NCOR2: variants seen among roughly 807,000 people sequenced by gnomAD.
NCOR2 encodes CTG repeat protein 26.
NCOR2 carries 81 observed loss-of-function variants against 262.9 expected under a neutral mutation model. The ratio of observed to expected loss-of-function variants is 0.31; its 90% CI spans 0.26 to 0.37. NCOR2 has a LOEUF of 0.37. Among genes scored for constraint, NCOR2 ranks in the 10% least tolerant of loss-of-function variants. The probability of loss-of-function intolerance (pLI) is 1.00; values close to 1 mark genes in which losing one functional copy is unlikely to be tolerated. For synonymous variants in NCOR2, 1,659 were observed against 1,559.3 expected (o/e 1.06, Z -1.51); for missense variants, 3,385 against 3,621.4 (o/e 0.93, Z 1.68).
intron 5 of NCOR2, 126 bp downstream of exon 7, chr12:124,466,047 G>C (rs552902931): frequency 1.1e-6 from 1 of 916,164 alleles, no homozygotes; most frequent in Non-Finnish European, 1.6e-6. Flanking sequence ...CTGCGTCTCT[G>C]GGGGAGAGGG....
intron 17 of NCOR2, among the ~76,000 whole-genome samples, chr12:124,379,452 G>T (rs117136387): frequency 2.0e-5 from 3 of 152,228 alleles, no homozygotes; most frequent in Non-Finnish European, 4.4e-5. Flanking sequence ...GCCAGCCTTC[G>T]TGGGCTTGAA....
intron 6 of NCOR2, among the ~76,000 whole-genome samples, chr12:124,451,568 T>C (rs1413786018): frequency 7.4e-6 from 1 of 135,058 alleles, no homozygotes; most frequent in Non-Finnish European, 1.7e-5. Flanking sequence ...TGTGTGTATG[T>C]CTTTCTGTCT....
Position 124,354,588 on chromosome 12 carries a change from G to C in NCOR2, c.3485-6C>G. 6.4e-7 allele frequency: 1 copy of C among 1,559,918 alleles called. No homozygotes were observed. Among genetic ancestry groups the C allele is most frequent in the Non-Finnish European group, 8.7e-7 (1 of 1,155,544 alleles). On this transcript the variant is annotated splice_region_variant and splice_polypyrimidine_tract_variant and intron_variant, in intron 25 of 46. Coordinates refer to ENST00000405201, the Ensembl canonical transcript of NCOR2. Reference sequence around the variant, plus strand: ...CTTCACTCCGCTGAAGGGTGCTGAGGACCAGTAAGAGGAGCGAGTCACGTG... The same window carrying C: ...CTTCACTCCGCTGAAGGGTGCTGAGCACCAGTAAGAGGAGCGAGTCACGTG...
intron 4 of NCOR2, among the ~76,000 whole-genome samples, chr12:124,472,288 T>G (rs2046869023): frequency 6.6e-6 from 1 of 152,246 alleles, no homozygotes; most frequent in African/African-American, 2.4e-5. Context: ...TTATATCAGC[T>G]TTTTCTCCGC....
chr12:124,385,674 CA>C, intron 17 of NCOR2, 70 bp downstream of exon 19: 4 of 1,578,186 alleles, frequency 2.5e-6, no homozygotes, highest in Non-Finnish European at 3.4e-6. Flanking sequence ...GGTGCAGAGA[CA>C]TCTCCTGAGG....
intron 1 of NCOR2, among the ~76,000 whole-genome samples, chr12:124,491,490 G>GGTGCTATGAACCA (rs1458525310): frequency 6.6e-6 from 1 of 152,180 alleles, no homozygotes; most frequent in Admixed American, 6.5e-5. Flanking sequence ...CTCCAGAACC[G>GGTGCTATGAACCA]GTGCTATGAA....
intron 14 of NCOR2, among the ~76,000 whole-genome samples, chr12:124,401,867 C>T (rs2136201157): frequency 6.6e-6 from 1 of 152,368 alleles, no homozygotes; most frequent in Admixed American, 6.5e-5. Flanking sequence ...GCCCCCCTTT[C>T]TCCAGCTGGC....
At chr12:124,524,948 C>CCA (rs1566025100) in intron 1 of NCOR2, among the ~76,000 whole-genome samples, 9 of 152,236 alleles carry the variant, frequency 5.9e-5, no homozygotes, top group Non-Finnish European at 8.8e-5. Flanking sequence ...GTACATGAGT[C>CCA]CGGAACATGC....
At chr12:124,325,377 GCCC>G in exon 47 of NCOR2, 9 of 246,756 alleles carry the variant, frequency 3.6e-5, no homozygotes, top group Non-Finnish European at 5.9e-5. Context: ...ACCTGACACC[GCCC>G]CCCCCCCCGC....
At chr12:124,366,076 T>C (rs2039012861) in intron 20 of NCOR2, among the ~76,000 whole-genome samples, 1 of 152,136 alleles carries the variant, frequency 6.6e-6, no homozygotes, top group African/African-American at 2.4e-5. Context: ...AACCCAGCAC[T>C]GCCACTCCTA....
Position 124,344,139 on chromosome 12 carries a change from T to C in NCOR2, c.4714+458A>G, listed in dbSNP as rs529242327. On this transcript the variant is annotated intron_variant, in intron 32 of 46. Coordinates refer to ENST00000405201, the Ensembl canonical transcript of NCOR2. ...AATACTGAATTGACCGAGCTAAGCA[T>C]GGCCAGGGAACAAAGAGAAAGAGGG... Among the ~76,000 whole-genome samples, 77 of 152,154 alleles carry C rather than the reference T, an allele frequency of 5.1e-4. 1 individual carries two copies. Among genetic ancestry groups the C allele is most frequent in the African/African-American group, 1.8e-3 (73 of 41,502 alleles).
intron 20 of NCOR2, 48 bp downstream of exon 22, chr12:124,371,974 G>C (rs2039558230): frequency 6.6e-7 from 1 of 1,517,450 alleles, no homozygotes; most frequent in Admixed American, 1.9e-5. Flanking sequence ...TCGCTGCTCA[G>C]TGTCTGCAGA....
At chr12:124,516,716 C>G (rs182692321) in intron 1 of NCOR2, among the ~76,000 whole-genome samples, 1 of 151,580 alleles carries the variant, frequency 6.6e-6, no homozygotes, top group Admixed American at 6.6e-5. Flanking sequence ...CTTGAGGGGT[C>G]GAGCCAGGAC....
chr12:124,324,504 C>G (rs904674564), exon 47 of NCOR2: 1 of 152,290 alleles, frequency 6.6e-6, no homozygotes, highest in Non-Finnish European at 1.5e-5. Context: ...GAATACGCAT[C>G]GAATTCATTC....
chr12:124,331,019 GT>G (rs2035141261), intron 43 of NCOR2, 121 bp from the exon 46 acceptor site: 1 of 976,248 alleles, frequency 1.0e-6, no homozygotes, highest in African/African-American at 1.6e-5. Context: ...TGCATTGCAG[GT>G]TCTCATGCAG....
intron 1 of NCOR2, among the ~76,000 whole-genome samples, chr12:124,516,578 C>T (rs1222693865): frequency 2.0e-5 from 3 of 152,204 alleles, no homozygotes; most frequent in Admixed American, 6.5e-5. Context: ...CAGCACTGTG[C>T]GGGCCCCTTC....
At chr12:124,398,704 C>T (rs370246517) in intron 15 of NCOR2, among the ~76,000 whole-genome samples, 18 of 152,220 alleles carry the variant, frequency 1.2e-4, no homozygotes, top group Non-Finnish European at 1.5e-4. Context: ...GGACTCTGCA[C>T]GCTGGACTCC....
intron 13 of NCOR2, among the ~76,000 whole-genome samples, chr12:124,409,933 C>T (rs2042474621): frequency 6.6e-6 from 1 of 151,960 alleles, no homozygotes; most frequent in Non-Finnish European, 1.5e-5. Context: ...CCTACCTCAG[C>T]CTCCCAAAGT....
At chr12:124,336,448 G>T in intron 38 of NCOR2, 4 of 338,636 alleles carry the variant, frequency 1.2e-5, no homozygotes, top group Non-Finnish European at 2.0e-5. Context: ...TGCAAATGAT[G>T]AGCGCCCCCA....
Sources: allele counts gnomAD v4.1 joint callset (sites outside exome capture counted in the v4.1 genomes callset), GRCh38; gene constraint gnomAD v4.1.1; transcripts MANE v1.5; gene names NCBI Gene and HGNC (gene_info 2026-07-23, HGNC 2026-07-21).